The following NET1 variants were observed in gnomAD, a reference collection of about 807,000 sequenced individuals.
NET1 encodes the protein neuroepithelial cell transforming 1, also known as neuroepithelial cell-transforming gene 1 protein.
Under a neutral mutation model 61.1 loss-of-function variants are expected in NET1, and 42 were observed. The ratio of observed to expected loss-of-function variants is 0.69; its 90% CI spans 0.54 to 0.89. The LOEUF is 0.89. Among genes scored for constraint, NET1 ranks in the 40% least tolerant of loss-of-function variants. The pLI, the probability that NET1 is intolerant of heterozygous loss-of-function variation, is 0.00. For missense variants in NET1, 654 were observed against 747.3 expected (o/e 0.88, Z 1.46); for synonymous variants, 254 against 281.8 (o/e 0.90, Z 0.99).
At position 5,423,479 on chromosome 10, in the gene NET1, T is replaced by C. The variant is rs556853719; in HGVS notation, c.129-3176T>C. ...TACCAAATGATATGAAAGGAAAACATTAAAGGCCAAGGAAAATCTACAGGA... is the reference window on the plus strand; with the variant it reads ...TACCAAATGATATGAAAGGAAAACACTAAAGGCCAAGGAAAATCTACAGGA... On this transcript the variant is annotated intron_variant, in intron 1 of 11. Coordinates refer to ENST00000355029, the MANE Select transcript of NET1 (RefSeq NM_001047160.3). The surrounding 1 kb of genome is among the most constrained non-coding windows in gnomAD (Gnocchi z 4.4). 1.2e-3 allele frequency among the ~76,000 whole-genome samples: 179 copies of C among 152,298 alleles called. No homozygotes were observed. Among genetic ancestry groups the C allele is most frequent in the Non-Finnish European group, 1.7e-3 (116 of 68,008 alleles).
rs1832774096 is a variant in NET1, at chr10:5,455,016, C to T, written c.1095C>T (p.Tyr365=). 4 of 1,614,132 alleles carry T rather than the reference C, an allele frequency of 2.5e-6. No individual in the cohort carries two copies. Among genetic ancestry groups the T allele is most frequent in the Non-Finnish European group, 3.4e-6 (4 of 1,180,008 alleles). ...LKKGESECQY[Y]IDKLEYLDEK... Reference sequence around the variant, plus strand: ...AAGGTGAATCCGAGTGCCAGTATTACATCGACAAGCTGGAGTACCTGGATG... The same window carrying T: ...AAGGTGAATCCGAGTGCCAGTATTATATCGACAAGCTGGAGTACCTGGATG... The change falls in exon 10 of 12, where the codon TAC becomes TAT. Residue 365 remains tyrosine, a synonymous_variant. Coordinates refer to ENST00000355029, the MANE Select transcript of NET1 (RefSeq NM_001047160.3). The surrounding 1 kb of genome is among the most constrained non-coding windows in gnomAD (Gnocchi z 6.5).
Position 5,446,592 on chromosome 10 carries a change from T to C in NET1, c.256-5238T>C. On this transcript the variant is annotated intron_variant, in intron 3 of 11. Transcript: ENST00000355029. The surrounding 1 kb of genome is among the most constrained non-coding windows in gnomAD (Gnocchi z 5.0). ...GCCCCCGAGCCCTGGGGTCGGTGCT[T>C]GCTGCCTGCGGCTCTCAGAAGCCTC... 5 of 1,205,436 alleles carry C rather than the reference T, an allele frequency of 4.1e-6. No homozygotes were observed. The highest frequency in any genetic ancestry group is 5.2e-6 in the Non-Finnish European group (5 of 969,020). 74.7% of individuals were successfully genotyped at this position (1,205,436 alleles called of 1,614,324 possible).
intron 3 of NET1, among the ~76,000 whole-genome samples, chr10:5,436,251 T>A (rs1304685502): frequency 0.017 from 590 of 34,886 alleles, 17 homozygotes; most frequent in African/African-American, 0.043. Flanking sequence ...TATATATATT[T>A]TTTTTTTTTT....
At chr10:5,414,967 G>A (rs1201754690) in intron 1 of NET1, among the ~76,000 whole-genome samples, 2 of 152,172 alleles carry the variant, frequency 1.3e-5, no homozygotes, top group Non-Finnish European at 2.9e-5. Context: ...GGCAGCATGA[G>A]GAGAGTGAGA....
rs1832176154 is a variant in NET1, at chr10:5,421,679, C to G, written c.129-4976C>G. Among the ~76,000 whole-genome samples, 1 of 152,110 alleles carries G rather than the reference C, an allele frequency of 6.6e-6. No individual in the cohort carries two copies. Among genetic ancestry groups the G allele is most frequent in the South Asian group, 2.1e-4 (1 of 4,822 alleles). On this transcript the variant is annotated intron_variant, in intron 1 of 11. Transcript: ENST00000355029. This position sits in a 1 kb window ranked among gnomAD's most constrained non-coding sequence, Gnocchi z 4.2. ...ATGATTTGTATATCATAACATTCAC[C>G]CTTTGTAGGTGAACAATTCAGTAAT...
At chr10:5,425,925 G>T (rs1832252044) in intron 1 of NET1, among the ~76,000 whole-genome samples, 1 of 151,998 alleles carries the variant, frequency 6.6e-6, no homozygotes, top group Non-Finnish European at 1.5e-5. Flanking sequence ...CTATGTTTTT[G>T]TAATTTCTAC....
rs1011840040 is a variant in NET1 at position 5,435,176 on chromosome 10, G to A, written c.255+5947G>A. Among the ~76,000 whole-genome samples, 1 of 152,178 alleles carries A rather than the reference G, an allele frequency of 6.6e-6. No individual in the cohort carries two copies. Among genetic ancestry groups the A allele is most frequent in the Non-Finnish European group, 1.5e-5 (1 of 68,038 alleles). On this transcript the variant is annotated intron_variant, in intron 3 of 11. Coordinates refer to ENST00000355029, the MANE Select transcript of NET1 (RefSeq NM_001047160.3). This position sits in a 1 kb window ranked among gnomAD's most constrained non-coding sequence, Gnocchi z 5.0. ...GAAGTGTGCTACGGGACCTATTCCAGACCAATTCCATATATGAATGGAGGA... is the reference window on the plus strand; with the variant it reads ...GAAGTGTGCTACGGGACCTATTCCAAACCAATTCCATATATGAATGGAGGA...
Position 5,415,685 on chromosome 10 carries a change from T to C in NET1, c.128+2865T>C, listed in dbSNP as rs986080891. Among the ~76,000 whole-genome samples the C allele has an allele frequency of 2.0e-5, 3 of 152,152 alleles. No homozygotes were observed. Among genetic ancestry groups the C allele is most frequent in the Non-Finnish European group, 4.4e-5 (3 of 68,022 alleles). ...TGAACTCCTGACCTTGTGATTTGCCTGCCTCGGCCTCCCAAAGTGCTGGGA... is the reference window on the plus strand; with the variant it reads ...TGAACTCCTGACCTTGTGATTTGCCCGCCTCGGCCTCCCAAAGTGCTGGGA... On this transcript the variant is annotated intron_variant, in intron 1 of 11. Coordinates refer to ENST00000355029, the MANE Select transcript of NET1 (RefSeq NM_001047160.3). This position sits in a 1 kb window ranked among gnomAD's most constrained non-coding sequence, Gnocchi z 4.7.
In NET1 at chr10:5,422,778, C is replaced by G. The variant is rs951758821; in HGVS notation, c.129-3877C>G. ...GTCAGAAGTGGAAGAAGAGACAACT[C>G]CTTAATAGCAAAGATGCTGAACAGC... is the stretch of plus-strand genomic sequence containing the variant. On this transcript the variant is annotated intron_variant, in intron 1 of 11. Coordinates refer to ENST00000355029, the MANE Select transcript of NET1 (RefSeq NM_001047160.3). The surrounding 1 kb of genome is among the most constrained non-coding windows in gnomAD (Gnocchi z 4.1). Among the ~76,000 whole-genome samples the G allele has an allele frequency of 1.2e-4, 19 of 152,172 alleles. No homozygotes were observed. The highest frequency in any genetic ancestry group is 2.2e-4 in the Non-Finnish European group (15 of 68,018).
In NET1 at chr10:5,431,941, T is replaced by C. The variant is rs1250251282; in HGVS notation, c.255+2712T>C. On this transcript the variant is annotated intron_variant, in intron 3 of 11. Transcript: ENST00000355029. The surrounding 1 kb of genome is among the most constrained non-coding windows in gnomAD (Gnocchi z 4.9). ...TTCTTACTGATGCCTCACATATCTG[T>C]CTTTGGCTGTTGGATGCTGTTTCAG... Among the ~76,000 whole-genome samples, 1 of 152,164 alleles carries C rather than the reference T, an allele frequency of 6.6e-6. No individual in the cohort carries two copies. The highest frequency in any genetic ancestry group is 1.5e-5 in the Non-Finnish European group (1 of 68,026).
At position 5,416,292 on chromosome 10, in the gene NET1, G is replaced by A. The variant is rs138023213; in HGVS notation, c.128+3472G>A. 3.9e-4 allele frequency among the ~76,000 whole-genome samples: 59 copies of A among 152,242 alleles called. 1 individual carries two copies. In the East Asian group the frequency reaches 8.7e-3, roughly 22 times the overall value. On this transcript the variant is annotated intron_variant, in intron 1 of 11. Transcript: ENST00000355029. This position sits in a 1 kb window ranked among gnomAD's most constrained non-coding sequence, Gnocchi z 6.1. ...CCATTACCATGGTGTTTTGATTACC[G>A]TTGCTTTGTATAGTAAGTTTTGAAA...
rs1240728155 is a variant in NET1, at chr10:5,417,417, C to CG, written c.128+4598dup. ...GGGATGGAGCCCTAGCAAGGGACCACGCTCTCCTCTACGCAGCACTTCCCT... is the reference window on the plus strand; with the variant it reads ...GGGATGGAGCCCTAGCAAGGGACCACGGCTCTCCTCTACGCAGCACTTCCCT... On this transcript the variant is annotated intron_variant, in intron 1 of 11. Coordinates refer to ENST00000355029, the MANE Select transcript of NET1 (RefSeq NM_001047160.3). The surrounding 1 kb of genome is among the most constrained non-coding windows in gnomAD (Gnocchi z 5.5). 6.6e-6 allele frequency among the ~76,000 whole-genome samples: 1 copy of CG among 152,120 alleles called. No homozygotes were observed. The highest frequency in any genetic ancestry group is 1.5e-5 in the Non-Finnish European group (1 of 68,024).
chr10:5,434,743 TTAAAAG>T (rs1832401000), intron 3 of NET1, among the ~76,000 whole-genome samples: 1 of 151,550 alleles, frequency 6.6e-6, no homozygotes, highest in Admixed American at 6.6e-5. Context: ...TTTTTTTTCT[TTAAAAG>T]TAAAGACCTG....
At position 5,452,309 on chromosome 10, in the gene NET1, A is replaced by T; in HGVS notation, c.364-49A>T. The T allele has an allele frequency of 7.0e-7, 1 of 1,421,946 alleles. No individual in the cohort carries two copies. Among genetic ancestry groups the T allele is most frequent in the Non-Finnish European group, 9.3e-7 (1 of 1,071,196 alleles). The allele number at this position is 1,421,946 out of a possible 1,614,324, so 88.1% of individuals were successfully genotyped here. A position where few individuals can be genotyped will look rare whatever the true frequency, so the allele number is the denominator to read the frequency against. ...AAAAAAAGAAAATGGGAATAATTCT[A>T]TTTCTTCCAAATCTTATTTTCTCTT... is the stretch of plus-strand genomic sequence containing the variant. On this transcript the variant is annotated intron_variant, in intron 4 of 11. Coordinates refer to ENST00000355029, the MANE Select transcript of NET1 (RefSeq NM_001047160.3). This position sits in a 1 kb window ranked among gnomAD's most constrained non-coding sequence, Gnocchi z 4.0.
At position 5,435,737 on chromosome 10, in the gene NET1, T is replaced by C. The variant is rs1215769658; in HGVS notation, c.255+6508T>C. ...AATTCTGATGTCAATTGAATTTTCA[T>C]GTTATGGATCATTAGCTATTTTGTC... is the stretch of plus-strand genomic sequence containing the variant. On this transcript the variant is annotated intron_variant, in intron 3 of 11. Transcript: ENST00000355029. The surrounding 1 kb of genome is among the most constrained non-coding windows in gnomAD (Gnocchi z 5.0). Among the ~76,000 whole-genome samples the C allele has an allele frequency of 6.6e-6, 1 of 152,230 alleles. No homozygotes were observed. Among genetic ancestry groups the C allele is most frequent in the Non-Finnish European group, 1.5e-5 (1 of 68,036 alleles).
chr10:5,448,055 T>C (rs924014995), intron 3 of NET1, among the ~76,000 whole-genome samples: 2 of 152,386 alleles, frequency 1.3e-5, no homozygotes, highest in Admixed American at 1.3e-4. Flanking sequence ...TCCCATGTGA[T>C]CATAACTCGT....
In NET1 at chr10:5,424,436, CTATG is replaced by C. The variant is rs1432371095; in HGVS notation, c.129-2215_129-2212del. ...TTACCATTTGTTTATGATAGTAATC[CTATG>C]TATTTCTTGATACAAATTATAATTT... On this transcript the variant is annotated intron_variant, in intron 1 of 11. Transcript: ENST00000355029. This position sits in a 1 kb window ranked among gnomAD's most constrained non-coding sequence, Gnocchi z 6.1. Among the ~76,000 whole-genome samples, 1 of 152,022 alleles carries C rather than the reference CTATG, an allele frequency of 6.6e-6. No homozygotes were observed. Among genetic ancestry groups the C allele is most frequent in the Non-Finnish European group, 1.5e-5 (1 of 67,996 alleles).
rs1832283118 is a variant in NET1 at position 5,427,963 on chromosome 10, T to C, written c.196-1207T>C. 6.6e-6 allele frequency among the ~76,000 whole-genome samples: 1 copy of C among 152,082 alleles called. No homozygotes were observed. Among genetic ancestry groups the C allele is most frequent in the East Asian group, 1.9e-4 (1 of 5,202 alleles). ...GACTTCACAACCCTCCTTCGTGTTG[T>C]TTTTTATGGTAGCTTGCTTTCTGAG... On this transcript the variant is annotated intron_variant, in intron 2 of 11. Transcript: ENST00000355029. This position sits in a 1 kb window ranked among gnomAD's most constrained non-coding sequence, Gnocchi z 4.1.
rs1832760811 is a variant in NET1 at position 5,454,296 on chromosome 10, G to A, written c.800G>A (p.Cys267Tyr). Residue 267 changes from cysteine to tyrosine, a missense_variant, in exon 9 of 12, where the codon TGT becomes TAT. By Grantham distance (194) the Cys-to-Tyr change is radical (BLOSUM62 -2). Transcript: ENST00000355029. The surrounding 1 kb of genome is among the most constrained non-coding windows in gnomAD (Gnocchi z 8.1). ...CGCTTGAATGCCTACAGAGGTTACT[G>A]TAGTAACCAGCTGGCAGCCAAAGCT... is the stretch of plus-strand genomic sequence containing the variant. ...LPRLNAYRGY[C>Y]SNQLAAKALL... The A allele has an allele frequency of 6.2e-7, 1 of 1,613,960 alleles. No individual in the cohort carries two copies. Among genetic ancestry groups the A allele is most frequent in the Non-Finnish European group, 8.5e-7 (1 of 1,179,870 alleles).
Sources: gnomAD v4.1 joint callset for allele counts (sites outside exome capture counted in the v4.1 genomes callset) on GRCh38, gnomAD v4.1.1 for gene constraint, Gnocchi (gnomAD v3.1) non-coding constraint, MANE v1.5 for transcripts, NCBI Gene and HGNC (gene_info 2026-07-23, HGNC 2026-07-21) for gene names.